Variants in ATN1 observed in about 807,000 individuals in gnomAD.
The protein encoded by ATN1 is atrophin-1.
A neutral mutation model predicts 85.8 loss-of-function variants in ATN1; 19 were observed. The ratio of observed to expected loss-of-function variants is 0.22; its 90% CI spans 0.15 to 0.32. The LOEUF is 0.32. ATN1 is among the 10% of genes least tolerant of loss of function. The pLI, the probability that ATN1 is intolerant of heterozygous loss-of-function variation, is 1.00. For missense variants in ATN1, 1,453 were observed against 1,564.5 expected, an observed-to-expected ratio of 0.93 and a Z score of 1.20; for synonymous variants, 674 against 657.0, an observed-to-expected ratio of 1.03 and a Z score of -0.39.
Position 6,935,723 on chromosome 12 carries a change from C to T in ATN1, c.456C>T (p.Ser152=), listed in dbSNP as rs782116716. The change falls in exon 5 of 10, where the codon TCC becomes TCT. Residue 152 remains serine, a synonymous_variant. Transcript: ENST00000396684. This position sits in a 1 kb window ranked among gnomAD's most constrained non-coding sequence, Gnocchi z 5.3. The part of the protein sequence containing the change: ...ENDSDSSSGL[S]QGPARPYHPP... ...ACTCTGACTCATCTTCTGGCCTGTC[C>T]CAGGGCCCAGCCCGCCCCTACCACC... 6.2e-7 allele frequency: 1 copy of T among 1,613,860 alleles called. No homozygotes were observed. Among genetic ancestry groups the T allele is most frequent in the South Asian group, 1.1e-5 (1 of 91,086 alleles).
rs367658904 is a variant in ATN1 at position 6,941,699 on chromosome 12, T to C, written c.3540-48T>C. 4 of 1,604,298 alleles carry C rather than the reference T, an allele frequency of 2.5e-6. No individual in the cohort carries two copies. Among genetic ancestry groups the C allele is most frequent in the Non-Finnish European group, 3.4e-6 (4 of 1,171,430 alleles). ...TCGGTAAGAGGGGGCAAGGTCAGAG[T>C]TGGTCTCAAGTCTCTTACCTCTCTG... On this transcript the variant is annotated intron_variant, in intron 9 of 9. Coordinates refer to ENST00000396684, the MANE Select transcript of ATN1 (RefSeq NM_001940.4). This position sits in a 1 kb window ranked among gnomAD's most constrained non-coding sequence, Gnocchi z 5.9.
In ATN1 at chr12:6,935,114, C is replaced by T. The variant is rs1555143410; in HGVS notation, c.280-433C>T. ...TGTTGGCCAGGCTGGTTTGGAACTC[C>T]TGGCATCAAGTGATCCGCCCGCTTC... On this transcript the variant is annotated intron_variant, in intron 4 of 9. Coordinates refer to ENST00000396684, the MANE Select transcript of ATN1 (RefSeq NM_001940.4). The surrounding 1 kb of genome is among the most constrained non-coding windows in gnomAD (Gnocchi z 5.3). Among the ~76,000 whole-genome samples the T allele has an allele frequency of 2.0e-5, 3 of 152,146 alleles. No homozygotes were observed. Among genetic ancestry groups the T allele is most frequent in the African/African-American group, 7.2e-5 (3 of 41,436 alleles).
chr12:6,933,642 T>C (rs1555143243), intron 1 of ATN1, among the ~76,000 whole-genome samples, 198 bp from the exon 2 acceptor site: 1 of 152,192 alleles, frequency 6.6e-6, no homozygotes. Flanking sequence ...AAAGAGATTA[T>C]ACTTCGAGCA....
At position 6,937,375 on chromosome 12, in the gene ATN1, C is replaced by G; in HGVS notation, c.2108C>G (p.Ser703Ter). 1 of 1,550,268 alleles carries G rather than the reference C, an allele frequency of 6.5e-7. No individual in the cohort carries two copies. Among genetic ancestry groups the G allele is most frequent in the Non-Finnish European group, 8.7e-7 (1 of 1,148,582 alleles). Residue 703 changes from serine (S) to a stop codon, truncating the protein, a stop_gained, in exon 5 of 10, where the codon TCA becomes TGA. Coordinates refer to ENST00000396684, the MANE Select transcript of ATN1 (RefSeq NM_001940.4). LOFTEE classifies it high-confidence loss of function. This position sits in a 1 kb window ranked among gnomAD's most constrained non-coding sequence, Gnocchi z 6.0. The part of the protein sequence containing the change: ...GPGPLPPAGP[S>*]GLPSLPPPPA... ...GGGCCCCTGCCACCTGCGGGGCCCT[C>G]AGGCCTGCCATCGCTGCCACCACCA... is the stretch of plus-strand genomic sequence containing the variant.
Position 6,940,861 on chromosome 12 carries a change from C to G in ATN1, c.3215-19C>G. 6.2e-7 allele frequency: 1 copy of G among 1,614,162 alleles called. No homozygotes were observed. Among genetic ancestry groups the G allele is most frequent in the Non-Finnish European group, 8.5e-7 (1 of 1,180,016 alleles). On this transcript the variant is annotated intron_variant, in intron 7 of 9. Coordinates refer to ENST00000396684, the MANE Select transcript of ATN1 (RefSeq NM_001940.4). ...CAAACCTGCCTTCTGGTGACACCTTCCTCTTCTCTGCCCTCCAGCCTCTGC... is the reference window on the plus strand; with the variant it reads ...CAAACCTGCCTTCTGGTGACACCTTGCTCTTCTCTGCCCTCCAGCCTCTGC...
chr12:6,938,066 T>C lies in ATN1; in HGVS notation c.2516T>C (p.Val839Ala). ...REKERELERS[V>A]KLAQEGRAPV... The stretch of plus-strand genomic sequence containing the variant: ...AAGGAGCGCGAGCTTGAACGCAGCG[T>C]GGTGAGTGCGTCACTGCCTGCGCCA... The change falls in exon 6 of 10, where the codon GTG (valine) becomes GCG (alanine). Residue 839 changes from valine (V) to alanine (A), a missense_variant and splice_region_variant. By Grantham distance (64) the Val-to-Ala change is moderately conservative. Transcript: ENST00000396684. The C allele has an allele frequency of 6.5e-7, 1 of 1,543,140 alleles. No individual in the cohort carries two copies. Among genetic ancestry groups the C allele is most frequent in the Non-Finnish European group, 8.7e-7 (1 of 1,145,374 alleles).
At chr12:6,924,891 T>G (rs974951817), upstream of ATN1, among the ~76,000 whole-genome samples, 1 of 152,286 alleles carries the variant, frequency 6.6e-6, no homozygotes. Flanking sequence ...CTAGCCTCTG[T>G]CCTTTCTTTC....
chr12:6,926,368 A>T (rs1945398818), upstream of ATN1, among the ~76,000 whole-genome samples: 1 of 150,836 alleles, frequency 6.6e-6, no homozygotes, highest in Non-Finnish European at 1.5e-5. Flanking sequence ...ATGGTGTCTC[A>T]CTCCTCCAAG....
At position 6,936,920 on chromosome 12, in the gene ATN1, A is replaced by T; in HGVS notation, c.1653A>T (p.Pro551=). 6.2e-7 allele frequency: 1 copy of T among 1,613,752 alleles called. No individual in the cohort carries two copies. Among genetic ancestry groups the T allele is most frequent in the South Asian group, 1.1e-5 (1 of 91,072 alleles). ...CACCAGGGCCAGCACACCTGCCCCC[A>T]CCTCACAGCCAGGTGTCCTACAGCC... The part of the protein sequence containing the change: ...PYPPGPAHLP[P]PHSQVSYSQA... Residue 551 remains proline, a synonymous_variant, in exon 5 of 10, where the codon CCA becomes CCT. Coordinates refer to ENST00000396684, the MANE Select transcript of ATN1 (RefSeq NM_001940.4).
rs1945596506 is a variant in ATN1 at position 6,938,947 on chromosome 12, T to C, written c.2984T>C (p.Leu995Pro). The change falls in exon 7 of 10, where the codon CTG becomes CCG. Residue 995 changes from leucine to proline, a missense_variant. Around this residue, in one of 6 missense-constraint regions of ATN1, gnomAD observed 208 missense variants for 263.4 expected, o/e 0.79. Coordinates refer to ENST00000396684, the MANE Select transcript of ATN1 (RefSeq NM_001940.4). Reference sequence around the variant, plus strand: ...CACCCTTTCCCCTTTCATCCGAGCCTGGGGCCCCTGGAGCGAGAACGTCTA... The same window carrying C: ...CACCCTTTCCCCTTTCATCCGAGCCCGGGGCCCCTGGAGCGAGAACGTCTA... ...GLHPFPFHPS[L>P]GPLERERLAL... 2 of 1,613,740 alleles carry C rather than the reference T, an allele frequency of 1.2e-6. No homozygotes were observed. Among genetic ancestry groups the C allele is most frequent in the Non-Finnish European group, 1.7e-6 (2 of 1,179,988 alleles).
chr12:6,937,057 C>A lies in ATN1; in HGVS notation c.1790C>A (p.Ala597Glu). 1 of 1,613,806 alleles carries A rather than the reference C, an allele frequency of 6.2e-7. No homozygotes were observed. The highest frequency in any genetic ancestry group is 8.5e-7 in the Non-Finnish European group (1 of 1,180,020). Reference protein sequence around the residue: ...HPSPSQGPQGAPYPFPPVPTV... With the variant: ...HPSPSQGPQGEPYPFPPVPTV... ...TCCCCTTCCCAGGGCCCTCAAGGGG[C>A]GCCCTACCCTTTCCCACCGGTGCCT... is the stretch of plus-strand genomic sequence containing the variant. The change falls in exon 5 of 10, where the codon GCG (alanine) becomes GAG (glutamate). Residue 597 changes from alanine to glutamate, a missense_variant. Transcript: ENST00000396684. This position sits in a 1 kb window ranked among gnomAD's most constrained non-coding sequence, Gnocchi z 6.0.
rs182164888 is a variant in ATN1, at chr12:6,935,130, C to T, written c.280-417C>T. Reference sequence around the variant, plus strand: ...TTGGAACTCCTGGCATCAAGTGATCCGCCCGCTTCAGCTTCCCAAAGTGCT... The same window carrying T: ...TTGGAACTCCTGGCATCAAGTGATCTGCCCGCTTCAGCTTCCCAAAGTGCT... On this transcript the variant is annotated intron_variant, in intron 4 of 9. Coordinates refer to ENST00000396684, the MANE Select transcript of ATN1 (RefSeq NM_001940.4). The surrounding 1 kb of genome is among the most constrained non-coding windows in gnomAD (Gnocchi z 5.3). Among the ~76,000 whole-genome samples the T allele has an allele frequency of 2.2e-3, 329 of 152,272 alleles. 1 individual carries two copies. The highest frequency in any genetic ancestry group is 6.8e-3 in the African/African-American group (281 of 41,536).
rs782126254 is a variant in ATN1, at chr12:6,941,414, G to A, written c.3399G>A (p.Pro1133=). 1.6e-5 allele frequency: 25 copies of A among 1,607,794 alleles called. No homozygotes were observed. Among genetic ancestry groups the A allele is most frequent in the South Asian group, 5.5e-5 (5 of 90,832 alleles). Residue 1133 remains proline (P), a synonymous_variant, in exon 9 of 10, where the codon CCG becomes CCA. Coordinates refer to ENST00000396684, the MANE Select transcript of ATN1 (RefSeq NM_001940.4). The surrounding 1 kb of genome is among the most constrained non-coding windows in gnomAD (Gnocchi z 5.9). ...ACCTGCCGGCCTCCCTTTCTGCCCC[G>A]ATGTCAGCAGCTCATCAGCTGCAGG... The part of the protein sequence containing the change: ...YRDLPASLSA[P]MSAAHQLQAM...
At chr12:6,930,238 T>C (rs1392201015) in intron 1 of ATN1, among the ~76,000 whole-genome samples, 3 of 152,182 alleles carry the variant, frequency 2.0e-5, no homozygotes, top group African/African-American at 4.8e-5. Flanking sequence ...TGCATCGTTA[T>C]CTGCTGGTCT....
rs1660647275 is a variant in ATN1, at chr12:6,939,314, T to C, written c.3214+137T>C. ...TTTCCTGAGATTGCTGCCCTGAACT[T>C]TGCCTCCCTGACGTTCTCTCAGCCT... On this transcript the variant is annotated intron_variant, in intron 7 of 9. Transcript: ENST00000396684. 25 of 1,298,844 alleles carry C rather than the reference T, an allele frequency of 1.9e-5. No individual in the cohort carries two copies. In the South Asian group the frequency reaches 3.7e-4, roughly 19 times the overall value. 80.5% of individuals were successfully genotyped at this position (1,298,844 alleles called of 1,614,324 possible).
In ATN1 at chr12:6,938,847, G is replaced by A; in HGVS notation, c.2884G>A (p.Gly962Arg). Reference sequence around the variant, plus strand: ...GCCTAGTGAGCTGGAACCCCTACATGGGGTCCCTGGGCCGGGCTTGGATCC... The same window carrying A: ...GCCTAGTGAGCTGGAACCCCTACATAGGGTCCCTGGGCCGGGCTTGGATCC... ...VKPSELEPLH[G>R]VPGPGLDPFP... is the part of the protein sequence containing the mutation. The change falls in exon 7 of 10, where the codon GGG (glycine) becomes AGG (arginine). Residue 962 changes from glycine (G) to arginine (R), a missense_variant. Transcript: ENST00000396684. The A allele has an allele frequency of 6.2e-7, 1 of 1,614,142 alleles. No individual in the cohort carries two copies. The highest frequency in any genetic ancestry group is 8.5e-7 in the Non-Finnish European group (1 of 1,180,014).
In ATN1 at chr12:6,936,968, A is replaced by C; in HGVS notation, c.1701A>C (p.Pro567=). ...SYSQAGPNGP[P]VSSSSNSSSS... ...GCCAAGCAGGCCCCAATGGCCCTCC[A>C]GTCTCTTCCTCTTCCAACTCTTCCT... The change falls in exon 5 of 10, where the codon CCA becomes CCC. Residue 567 remains proline, a synonymous_variant. Transcript: ENST00000396684. The C allele has an allele frequency of 6.2e-7, 1 of 1,613,628 alleles. No homozygotes were observed. The highest frequency in any genetic ancestry group is 8.5e-7 in the Non-Finnish European group (1 of 1,179,812).
Position 6,937,694 on chromosome 12 carries a change from A to G in ATN1, c.2294+133A>G, listed in dbSNP as rs1945569034. 1 of 1,436,162 alleles carries G rather than the reference A, an allele frequency of 7.0e-7. No homozygotes were observed. The highest frequency in any genetic ancestry group is 2.8e-5 in the Admixed American group (1 of 35,340). 89.0% of individuals were successfully genotyped at this position (1,436,162 alleles called of 1,614,324 possible). A position where few individuals can be genotyped will look rare whatever the true frequency, so the allele number is the denominator to read the frequency against. On this transcript the variant is annotated intron_variant, in intron 5 of 9. Transcript: ENST00000396684. The surrounding 1 kb of genome is among the most constrained non-coding windows in gnomAD (Gnocchi z 6.0). ...AAAAGCACGCCCCTCTCCTCCGTCC[A>G]GGCCTAGTGGCCAGTGAGGCCCGCA...
At chr12:6,929,330 A>C (rs1199655534) in intron 1 of ATN1, among the ~76,000 whole-genome samples, 1 of 152,106 alleles carries the variant, frequency 6.6e-6, no homozygotes, top group East Asian at 1.9e-4. Context: ...GGCCTTAGTT[A>C]CTGCTTTGAG....
Sources: gnomAD v4.1 joint callset for allele counts (sites outside exome capture counted in the v4.1 genomes callset) on GRCh38, gnomAD v4.1.1 for gene constraint, gnomAD v4.1.1 regional missense constraint, Gnocchi (gnomAD v3.1) non-coding constraint, MANE v1.5 for transcripts, NCBI Gene and HGNC (gene_info 2026-07-23, HGNC 2026-07-21) for gene names.